The following DEPDC5 variants were observed in gnomAD, a reference collection of about 807,000 sequenced individuals.
The protein encoded by DEPDC5 is GATOR1 complex protein DEPDC5.
In DEPDC5, 73 loss-of-function variants were observed where a neutral mutation model predicts 217.3. The ratio of observed to expected loss-of-function variants is 0.34; its 90% CI spans 0.28 to 0.41. DEPDC5 has a LOEUF of 0.41. DEPDC5 is among the 10% of genes least tolerant of loss of function. The pLI is 1.00. For synonymous variants in DEPDC5, 733 were observed against 756.7 expected, an observed-to-expected ratio of 0.97 and a Z score of 0.51; for missense variants, 1,675 against 2,070.1, an observed-to-expected ratio of 0.81 and a Z score of 3.70.
chr22:31,813,232 T>A (rs2088641803), intron 20 of DEPDC5, among the ~76,000 whole-genome samples: 1 of 152,208 alleles, frequency 6.6e-6, no homozygotes, highest in African/African-American at 2.4e-5. Flanking sequence ...GGATGCTGCT[T>A]AGGGGCTCAG....
At chr22:31,883,734 A>C (rs572777154) in intron 38 of DEPDC5, among the ~76,000 whole-genome samples, 34 of 152,242 alleles carry the variant, frequency 2.2e-4, no homozygotes, top group African/African-American at 7.9e-4. Context: ...TGAAGCCTGA[A>C]CTCCAAGCAC....
intron 7 of DEPDC5, among the ~76,000 whole-genome samples, chr22:31,772,704 C>T (rs1439651603): frequency 2.0e-5 from 3 of 151,800 alleles, no homozygotes; most frequent in Non-Finnish European, 4.4e-5. Context: ...AGTTTGCCAG[C>T]CTCGGTTTGG....
intron 41 of DEPDC5, 140 bp downstream of exon 41, chr22:31,901,942 A>C: frequency 1.4e-6 from 1 of 728,106 alleles, no homozygotes; most frequent in Non-Finnish European, 2.4e-6. Flanking sequence ...GCTTATCTCC[A>C]ACAGGACTCT....
At chr22:31,880,827 A>G (rs1347341602) in intron 38 of DEPDC5, among the ~76,000 whole-genome samples, 1 of 151,352 alleles carries the variant, frequency 6.6e-6, no homozygotes, top group South Asian at 2.1e-4. Context: ...GATCGAGACC[A>G]TCCTGGCTAA....
chr22:31,798,802 A>G (rs1361501983), intron 14 of DEPDC5, 146 bp downstream of exon 14: 2 of 687,502 alleles, frequency 2.9e-6, no homozygotes, highest in African/African-American at 3.7e-5. Flanking sequence ...ATAAAGTGAA[A>G]GCAAGTATAT....
At chr22:31,814,921 G>A (rs1219036370) in intron 20 of DEPDC5, 71 bp from the exon 21 acceptor site, 113 of 1,562,188 alleles carry the variant, frequency 7.2e-5, no homozygotes, top group Non-Finnish European at 9.7e-5. Context: ...GCTGGTGATG[G>A]GTTTTAGTTT....
At chr22:31,762,375 A>G (rs199879940) in intron 4 of DEPDC5, among the ~76,000 whole-genome samples, 1 of 152,230 alleles carries the variant, frequency 6.6e-6, no homozygotes, top group African/African-American at 2.4e-5. Context: ...TGGCTATGCC[A>G]TGCTGTTCAA....
chr22:31,875,909 A>C, intron 36 of DEPDC5: 1 of 380,090 alleles, frequency 2.6e-6, no homozygotes, highest in Non-Finnish European at 4.8e-6. Context: ...CTGGGGTTAC[A>C]GGCGTGAGCC....
chr22:31,770,060 T>TA (rs1191850236), intron 7 of DEPDC5, among the ~76,000 whole-genome samples: 4 of 134,544 alleles, frequency 3.0e-5, no homozygotes, highest in Non-Finnish European at 4.7e-5. Flanking sequence ...AAATAGTCTC[T>TA]AAAAAAAAGA....
chr22:31,861,256 T>C, intron 32 of DEPDC5, 112 bp from the exon 33 acceptor site: 1 of 855,622 alleles, frequency 1.2e-6, no homozygotes. Flanking sequence ...TTTATTTTTA[T>C]TTTTTGTTTT....
intron 27 of DEPDC5, among the ~76,000 whole-genome samples, chr22:31,839,319 A>G (rs748700533): frequency 2.0e-5 from 3 of 152,184 alleles, no homozygotes; most frequent in Non-Finnish European, 2.9e-5. Flanking sequence ...TGGGTCATCT[A>G]TGAGTGGCAG....
chr22:31,882,475 C>A (rs1243985571), intron 38 of DEPDC5, among the ~76,000 whole-genome samples: 2 of 152,156 alleles, frequency 1.3e-5, no homozygotes, highest in Non-Finnish European at 2.9e-5. Flanking sequence ...AAATAAATTT[C>A]AAATATTCAA....
At chr22:31,810,707 T>C (rs1455206009) in intron 20 of DEPDC5, 66 bp downstream of exon 20, 1 of 1,599,662 alleles carries the variant, frequency 6.3e-7, no homozygotes, top group African/African-American at 1.3e-5. Flanking sequence ...AGTTCAGTAG[T>C]GACCTCTAAG....
Position 31,857,553 on chromosome 22 carries a change from G to C in DEPDC5, c.3264G>C (p.Lys1088Asn). The C allele has an allele frequency of 6.2e-7, 1 of 1,608,594 alleles. No homozygotes were observed. The highest frequency in any genetic ancestry group is 8.5e-7 in the Non-Finnish European group (1 of 1,177,498). ...MTPTYMDSPR[K>N]DGAFFMEFVR... is the part of the protein sequence containing the mutation. ...CCACCTACATGGACAGCCCACGAAA[G>C]GTAAAGGAAGCCGCGGTAGCAGGGA... is the stretch of plus-strand genomic sequence containing the variant. The change falls in exon 32 of 43, where the codon AAG becomes AAC. Residue 1088 changes from lysine (K) to asparagine (N), a missense_variant and splice_region_variant. Physicochemically the swap from Lys to Asn is moderately conservative, Grantham distance 94. Transcript: ENST00000651528.
intron 2 of DEPDC5, among the ~76,000 whole-genome samples, chr22:31,758,270 A>G (rs578078771): frequency 5.3e-5 from 8 of 152,272 alleles, no homozygotes; most frequent in Non-Finnish European, 1.0e-4. Flanking sequence ...TAATTCCCAG[A>G]TACTAAGGGC....
In DEPDC5 at chr22:31,792,089, T is replaced by C. The variant is rs775462060; in HGVS notation, c.681T>C (p.Asp227=). The change falls in exon 11 of 43, where the codon GAT becomes GAC. Residue 227 remains aspartate (D), a synonymous_variant. Transcript: ENST00000651528. ...TCCTGTTTTCTAGAACTTTCTATGA[T>C]GCAAAATCTGTTGGTGAGTAACTAT... ...TVVLFSRTFY[D]AKSVDEFPEI... is the part of the protein sequence containing the mutation. The C allele has an allele frequency of 1.3e-5, 21 of 1,611,298 alleles. No homozygotes were observed. Among genetic ancestry groups the C allele is most frequent in the Middle Eastern group, 1.6e-4 (1 of 6,076 alleles).
chr22:31,907,378 T>G lies in DEPDC5; in HGVS notation c.*881T>G, dbSNP rs1294151324. 6.7e-6 allele frequency: 1 copy of G among 149,124 alleles called. No individual in the cohort carries two copies. Among genetic ancestry groups the G allele is most frequent in the African/African-American group, 2.5e-5 (1 of 39,218 alleles). 9.2% of individuals were successfully genotyped at this position (149,124 alleles called of 1,614,324 possible). ...TGTAGACTCTAACTTAGGTTTTTTT[T>G]GTTGTTGTTTTTTTTGTTGTTTTTT... On this transcript the variant is annotated 3_prime_UTR_variant, in exon 43 of 43. Coordinates refer to ENST00000651528, the MANE Select transcript of DEPDC5 (RefSeq NM_001242896.3).
At chr22:31,852,865 G>A (rs1208422323) in intron 31 of DEPDC5, 1 of 152,342 alleles carries the variant, frequency 6.6e-6, no homozygotes, top group Non-Finnish European at 1.5e-5. Context: ...AGGCTTGGTG[G>A]GCGGGGGCCA....
At chr22:31,812,426 T>C (rs1331996779) in intron 20 of DEPDC5, among the ~76,000 whole-genome samples, 4 of 140,962 alleles carry the variant, frequency 2.8e-5, no homozygotes, top group Admixed American at 7.0e-5. Context: ...ATTTCTTTTT[T>C]TTTTTTTTTT....
Sources: gnomAD v4.1 joint callset for allele counts (sites outside exome capture counted in the v4.1 genomes callset) on GRCh38, gnomAD v4.1.1 for gene constraint, MANE v1.5 for transcripts, NCBI Gene and HGNC (gene_info 2026-07-23, HGNC 2026-07-21) for gene names.